Variants in ACCSL observed in about 807,000 individuals in gnomAD.
ACCSL encodes probable inactive 1-aminocyclopropane-1-carboxylate synthase-like protein 2.
In ACCSL, 55 loss-of-function variants were observed where a neutral mutation model predicts 61.7. That is an observed-to-expected ratio of 0.89 (90% CI 0.72 to 1.12). The LOEUF is 1.12. Among genes scored for constraint, ACCSL ranks in the 50% most tolerant of loss-of-function variants. The pLI is 0.00. For synonymous variants in ACCSL, 258 were observed against 264.3 expected (o/e 0.98, Z 0.23); for missense variants, 632 against 698.0 (o/e 0.91, Z 1.07).
At chr11:43,954,506 G>A in the ACCSL span, among the ~76,000 whole-genome samples, 1 of 152,084 alleles carries the variant, frequency 6.6e-6, no homozygotes. Flanking sequence ...AGAAAATCTG[G>A]CCTCCCTTAC....
the ACCSL span, among the ~76,000 whole-genome samples, chr11:43,963,521 A>G: frequency 6.6e-6 from 1 of 152,220 alleles, no homozygotes; most frequent in Non-Finnish European, 1.5e-5. Context: ...ACATGGCCCC[A>G]GAGGATGTTA....
Position 44,058,396 on chromosome 11 carries a change from G to C in ACCSL, c.1407G>C (p.Lys469Asn), listed in dbSNP as rs1167458419. The C allele has an allele frequency of 6.2e-7, 1 of 1,614,166 alleles. No individual in the cohort carries two copies. Reference sequence around the variant, plus strand: ...ACAAGTACATCACTGCTGAGCTGAAGGCATTGGAGATCCCTTTTCACAACC... The same window carrying C: ...ACAAGTACATCACTGCTGAGCTGAACGCATTGGAGATCCCTTTTCACAACC... ...EAHKYITAEL[K>N]ALEIPFHNRS... Residue 469 changes from lysine to asparagine, a missense_variant, in exon 12 of 14, where the codon AAG (lysine) becomes AAC (asparagine). Coordinates refer to ENST00000378832, the MANE Select transcript of ACCSL (RefSeq NM_001031854.2).
At chr11:43,979,054 G>A in the ACCSL span, among the ~76,000 whole-genome samples, 125 of 152,238 alleles carry the variant, frequency 8.2e-4, no homozygotes, top group Middle Eastern at 3.4e-3. Flanking sequence ...AGGGGTCAGA[G>A]AGGTCCCTTC....
chr11:43,954,778 TTTCTC>T, the ACCSL span, among the ~76,000 whole-genome samples: 1 of 151,942 alleles, frequency 6.6e-6, no homozygotes, highest in Non-Finnish European at 1.5e-5. Flanking sequence ...AGAGACGGGG[TTTCTC>T]CACGTTGGTC....
At chr11:43,977,531 C>T in the ACCSL span, among the ~76,000 whole-genome samples, 1 of 152,194 alleles carries the variant, frequency 6.6e-6, no homozygotes, top group Non-Finnish European at 1.5e-5. Context: ...AGATTTTCTT[C>T]CTAGAGCCTC....
the ACCSL span, among the ~76,000 whole-genome samples, chr11:43,971,121 T>C: frequency 6.6e-6 from 1 of 151,726 alleles, no homozygotes; most frequent in Non-Finnish European, 1.5e-5. Flanking sequence ...TAACTTGAGG[T>C]CAGGAGTTCA....
chr11:44,021,154 C>A, the ACCSL span, among the ~76,000 whole-genome samples: 1 of 152,126 alleles, frequency 6.6e-6, no homozygotes, highest in Admixed American at 6.6e-5. Flanking sequence ...ATTGATGGAT[C>A]AAATGGTAGC....
rs73533651 is a variant in ACCSL, at chr11:44,049,204, A to G, written c.504+664A>G. Among the ~76,000 whole-genome samples the G allele has an allele frequency of 3.8e-3, 584 of 152,058 alleles. 4 individuals are homozygous for G. Among genetic ancestry groups the G allele is most frequent in the African/African-American group, 0.013 (559 of 41,484 alleles). ...GGAGGCCAAGGTTGGTGGATCGCTC[A>G]AGTCCAGGAATTCGAGACCAGCCAG... On this transcript the variant is annotated intron_variant, in intron 1 of 13. Coordinates refer to ENST00000378832, the MANE Select transcript of ACCSL (RefSeq NM_001031854.2).
the ACCSL span, among the ~76,000 whole-genome samples, chr11:44,014,668 G>A: frequency 5.9e-5 from 9 of 152,300 alleles, no homozygotes; most frequent in East Asian, 1.4e-3. Context: ...GGGGATCGTA[G>A]GGTCCATCTT....
the ACCSL span, among the ~76,000 whole-genome samples, chr11:43,953,316 C>A: frequency 6.6e-6 from 1 of 151,960 alleles, no homozygotes; most frequent in Non-Finnish European, 1.5e-5. Flanking sequence ...AGTTTGAGAC[C>A]AGCCTGGCCA....
At chr11:43,952,393 C>A in the ACCSL span, among the ~76,000 whole-genome samples, 1 of 152,198 alleles carries the variant, frequency 6.6e-6, no homozygotes, top group African/African-American at 2.4e-5. Flanking sequence ...TTCCCAATTT[C>A]TGCCTCCAAA....
the ACCSL span, among the ~76,000 whole-genome samples, chr11:43,976,940 C>T: frequency 6.6e-6 from 1 of 152,148 alleles, no homozygotes; most frequent in Non-Finnish European, 1.5e-5. Context: ...TAAAAGTAAA[C>T]ATAAGTAAGA....
At chr11:43,979,725 T>G in the ACCSL span, among the ~76,000 whole-genome samples, 1 of 151,866 alleles carries the variant, frequency 6.6e-6, no homozygotes, top group Non-Finnish European at 1.5e-5. Flanking sequence ...TGCATGCCTG[T>G]AGTCCCAGCT....
chr11:44,036,641 G>A, the ACCSL span, among the ~76,000 whole-genome samples: 4 of 152,102 alleles, frequency 2.6e-5, no homozygotes, highest in African/African-American at 9.7e-5. Flanking sequence ...AATTACCCAT[G>A]TGTGGTGGTG....
At chr11:44,001,356 C>T in the ACCSL span, among the ~76,000 whole-genome samples, 3 of 151,066 alleles carry the variant, frequency 2.0e-5, no homozygotes, top group African/African-American at 4.9e-5. Flanking sequence ...GGCTTGTTTC[C>T]AGGTTTTTCC....
rs747424625 is a variant in ACCSL at position 44,048,432 on chromosome 11, C to T, written c.396C>T (p.Asn132=). 1.5e-5 allele frequency: 25 copies of T among 1,614,026 alleles called. No individual in the cohort carries two copies. The highest frequency in any genetic ancestry group is 1.9e-5 in the Non-Finnish European group (22 of 1,180,022). Residue 132 remains asparagine (N), a synonymous_variant, in exon 1 of 14, where the codon AAC becomes AAT. Coordinates refer to ENST00000378832, the MANE Select transcript of ACCSL (RefSeq NM_001031854.2). ...GTGATTGTGAAGCTGCCTTTGTCAA[C>T]CGCGACCTATCCATCCGTGGGATTG... is the stretch of plus-strand genomic sequence containing the variant. ...QLSDCEAAFV[N]RDLSIRGIDI... is the part of the protein sequence containing the mutation.
chr11:43,923,062 ACT>A, the ACCSL span, among the ~76,000 whole-genome samples: 1 of 151,652 alleles, frequency 6.6e-6, no homozygotes, highest in Non-Finnish European at 1.5e-5. Context: ...TGTGGCACCC[ACT>A]CTCTGCCTCT....
At chr11:43,986,299 C>G in the ACCSL span, among the ~76,000 whole-genome samples, 1 of 129,150 alleles carries the variant, frequency 7.7e-6, no homozygotes, top group Non-Finnish European at 1.7e-5. Flanking sequence ...TTTCTCCCAC[C>G]CCACCCCCAC....
At chr11:43,956,531 T>C in the ACCSL span, among the ~76,000 whole-genome samples, 4 of 152,152 alleles carry the variant, frequency 2.6e-5, no homozygotes, top group Non-Finnish European at 2.9e-5. Context: ...GTGATTCTCC[T>C]GCCTCAGCCT....
Sources: allele counts gnomAD v4.1 joint callset (sites outside exome capture counted in the v4.1 genomes callset), GRCh38; gene constraint gnomAD v4.1.1; transcripts MANE v1.5; gene names NCBI Gene and HGNC (gene_info 2026-07-23, HGNC 2026-07-21).